PATZ1: variants seen among roughly 807,000 people sequenced by gnomAD.
The protein encoded by PATZ1 is POZ/BTB and AT hook containing zinc finger 1.
PATZ1 carries 9 observed loss-of-function variants against 46.2 expected under a neutral mutation model. That is an observed-to-expected ratio of 0.19 (90% CI 0.12 to 0.34). PATZ1 has a LOEUF of 0.34. PATZ1 is among the 10% of genes least tolerant of loss of function. PATZ1 has a pLI of 1.00. For missense variants in PATZ1, 632 were observed against 923.0 expected (o/e 0.68, Z 4.08); for synonymous variants, 426 against 378.6 (o/e 1.13, Z -1.45).
chr22:31,326,713 A>C lies in PATZ1; in HGVS notation c.*178T>G. ...TCTGCAGAATATCAGATGAAAATCT[A>C]TTTCTAAAGACCATTGGGAGAATGG... On this transcript the variant is annotated 3_prime_UTR_variant, in exon 5 of 5. Coordinates refer to ENST00000266269, the MANE Select transcript of PATZ1 (RefSeq NM_014323.3). 1.7e-6 allele frequency: 1 copy of C among 592,054 alleles called. No homozygotes were observed. The highest frequency in any genetic ancestry group is 3.0e-6 in the Non-Finnish European group (1 of 338,518). 36.7% of individuals were successfully genotyped at this position (592,054 alleles called of 1,614,324 possible).
intron 1 of PATZ1, chr22:31,343,196 T>C (rs907104602): frequency 7.6e-5 from 97 of 1,271,178 alleles, no homozygotes; most frequent in Admixed American, 1.9e-4. Flanking sequence ...GTCTCTGATT[T>C]TGCCTCCCCA....
intron 2 of PATZ1, chr22:31,338,002 CATT>C (rs1406139627): frequency 2.0e-5 from 3 of 152,216 alleles, no homozygotes; most frequent in Non-Finnish European, 2.9e-5. Flanking sequence ...TTTAAGTAAA[CATT>C]ATACATTTGA....
chr22:31,330,735 G>C lies in PATZ1; in HGVS notation c.1508-1811C>G, dbSNP rs536109933. On this transcript the variant is annotated intron_variant, in intron 3 of 4. Coordinates refer to ENST00000266269, the MANE Select transcript of PATZ1 (RefSeq NM_014323.3). ...TTAAAGTCTGATTTTTCACAAAAAA[G>C]TTTGTAACCTCCAGCATAAATGGGT... is the stretch of plus-strand genomic sequence containing the variant. Among the ~76,000 whole-genome samples, 3 of 152,354 alleles carry C rather than the reference G, an allele frequency of 2.0e-5. No individual in the cohort carries two copies. In the South Asian group the frequency reaches 6.2e-4, roughly 32 times the overall value.
intron 2 of PATZ1, chr22:31,341,638 G>A: frequency 1.2e-6 from 2 of 1,614,000 alleles, no homozygotes; most frequent in Non-Finnish European, 8.5e-7. Flanking sequence ...AGGTCGCTAG[G>A]AAGAGGTTCC....
At chr22:31,343,108 A>C (rs2049604075) in intron 1 of PATZ1, 148 bp from the exon 2 acceptor site, 2 of 1,439,454 alleles carry the variant, frequency 1.4e-6, no homozygotes, top group South Asian at 2.9e-5. Context: ...AGACAAAGTC[A>C]CCACCCAGTT....
At chr22:31,343,522 G>A (rs1347430339) in intron 1 of PATZ1, 1 of 798,304 alleles carries the variant, frequency 1.3e-6, no homozygotes, top group African/African-American at 1.9e-5. Context: ...ACTGGTTCCT[G>A]GTCGGGGCCC....
At chr22:31,342,293 AAAG>A (rs1292246764) in intron 2 of PATZ1, among the ~76,000 whole-genome samples, 5 of 152,230 alleles carry the variant, frequency 3.3e-5, no homozygotes, top group South Asian at 4.1e-4. Context: ...CAAAGAGCTA[AAAG>A]AAGAAGAGCC....
At chr22:31,341,434 T>C (rs764676221) in intron 2 of PATZ1, 1 of 1,580,972 alleles carries the variant, frequency 6.3e-7, no homozygotes, top group African/African-American at 1.3e-5. Context: ...GTAAAGGCCC[T>C]GCTGCCCTCT....
intron 3 of PATZ1, among the ~76,000 whole-genome samples, chr22:31,329,938 C>T (rs1317452287): frequency 6.6e-6 from 1 of 152,222 alleles, no homozygotes; most frequent in Non-Finnish European, 1.5e-5. Flanking sequence ...TAGTATAAGG[C>T]CCACTTAGGG....
chr22:31,342,815 CA>C, intron 2 of PATZ1, 81 bp downstream of exon 2: 1 of 1,495,642 alleles, frequency 6.7e-7, no homozygotes, highest in Non-Finnish European at 9.2e-7. Flanking sequence ...GCCCCCGGCA[CA>C]CGCAGCGGCT....
At chr22:31,334,238 ACT>A (rs1161065820) in intron 3 of PATZ1, among the ~76,000 whole-genome samples, 1 of 152,184 alleles carries the variant, frequency 6.6e-6, no homozygotes, top group East Asian at 1.9e-4. Context: ...CAGCCTGATA[ACT>A]CTCCCTGCAT....
At chr22:31,344,251 C>T in intron 1 of PATZ1, 81 bp downstream of exon 1, 2 of 1,319,070 alleles carry the variant, frequency 1.5e-6, no homozygotes, top group South Asian at 2.8e-5. Context: ...CCCACAAATC[C>T]CACACCCCCA....
chr22:31,345,423 G>A lies in PATZ1; in HGVS notation c.180C>T (p.Ala60=), dbSNP rs980819165. Residue 60 remains alanine, a synonymous_variant, in exon 1 of 5, where the codon GCC becomes GCT. Coordinates refer to ENST00000266269, the MANE Select transcript of PATZ1 (RefSeq NM_014323.3). The surrounding 1 kb of genome is among the most constrained non-coding windows in gnomAD (Gnocchi z 7.4). ...ESFPAHRAVL[A]ACSEYFESVF... ...CCGACTCAAAGTACTCGCTGCAGGCGGCCAGCACGGCGCGGTGCGCTGGGA... is the reference window on the plus strand; with the variant it reads ...CCGACTCAAAGTACTCGCTGCAGGCAGCCAGCACGGCGCGGTGCGCTGGGA... 8.7e-6 allele frequency: 14 copies of A among 1,612,414 alleles called. No homozygotes were observed. The highest frequency in any genetic ancestry group is 1.1e-5 in the Non-Finnish European group (13 of 1,179,508).
chr22:31,345,589 T>C lies in PATZ1; in HGVS notation c.14A>G (p.Asn5Ser). ...GCCAGACGGGCCGCACGAAGCGTCGTTCACCCGCTCCATGGCCGCCGCCCC... is the reference window on the plus strand; with the variant it reads ...GCCAGACGGGCCGCACGAAGCGTCGCTCACCCGCTCCATGGCCGCCGCCCC... MERV[N>S]DASCGPSGCY... The change falls in exon 1 of 5, where the codon AAC becomes AGC. Residue 5 changes from asparagine to serine, a missense_variant. This residue lies in a region of PATZ1 where 30 missense variants were observed against 27.7 expected (regional missense o/e 1.08). Coordinates refer to ENST00000266269, the MANE Select transcript of PATZ1 (RefSeq NM_014323.3). This position sits in a 1 kb window ranked among gnomAD's most constrained non-coding sequence, Gnocchi z 7.4. 6.3e-7 allele frequency: 1 copy of C among 1,592,068 alleles called. No individual in the cohort carries two copies. The highest frequency in any genetic ancestry group is 8.6e-7 in the Non-Finnish European group (1 of 1,164,118).
rs1271037881 is a variant in PATZ1, at chr22:31,345,023, C to G, written c.580G>C (p.Ala194Pro). ...ATGCCATTGCTGTTGGCTGCCAAGG[C>G]TGCCCCGTTGGTCATGTCCAAAGGG... is the stretch of plus-strand genomic sequence containing the variant. ...GFPLDMTNGA[A>P]LAANSNGIAG... The change falls in exon 1 of 5, where the codon GCC becomes CCC. Residue 194 changes from alanine (A) to proline (P), a missense_variant. Ala to Pro is a conservative substitution (Grantham distance 27). Coordinates refer to ENST00000266269, the MANE Select transcript of PATZ1 (RefSeq NM_014323.3). This position sits in a 1 kb window ranked among gnomAD's most constrained non-coding sequence, Gnocchi z 7.4. The G allele has an allele frequency of 9.3e-6, 15 of 1,614,132 alleles. No individual in the cohort carries two copies. In the South Asian group the frequency reaches 1.1e-4, roughly 12 times the overall value.
intron 3 of PATZ1, 90 bp downstream of exon 3, chr22:31,335,602 A>G: frequency 8.2e-7 from 1 of 1,223,208 alleles, no homozygotes; most frequent in East Asian, 2.4e-5. Flanking sequence ...CAAAGAGTGG[A>G]GTCTGAGGCA....
At chr22:31,340,025 T>C (rs1336393396) in intron 2 of PATZ1, among the ~76,000 whole-genome samples, 3 of 152,206 alleles carry the variant, frequency 2.0e-5, no homozygotes, top group African/African-American at 7.2e-5. Context: ...TCTCAACGCA[T>C]TCCTTCTCTA....
Position 31,344,694 on chromosome 22 carries a change from A to G in PATZ1, c.909T>C (p.Asp303=), listed in dbSNP as rs775784085. Residue 303 remains aspartate (D), a synonymous_variant, in exon 1 of 5, where the codon GAT becomes GAC. Coordinates refer to ENST00000266269, the MANE Select transcript of PATZ1 (RefSeq NM_014323.3). ...CCTCGTGCTGCCGGAGCCGGTTGGC[A>G]TCAGTGAACACCTTACCACATAGAC... The part of the protein sequence containing the change: ...PCGLCGKVFT[D]ANRLRQHEAQ... 1.2e-6 allele frequency: 2 copies of G among 1,613,788 alleles called. No homozygotes were observed. Among genetic ancestry groups the G allele is most frequent in the Non-Finnish European group, 1.7e-6 (2 of 1,179,948 alleles).
At position 31,345,444 on chromosome 22, in the gene PATZ1, T is replaced by C. The variant is rs939352428; in HGVS notation, c.159A>G (p.Pro53=). Reference sequence around the variant, plus strand: ...AGGCGGCCAGCACGGCGCGGTGCGCTGGGAAGCTCTCGTCGCCTACCCGCA... The same window carrying C: ...AGGCGGCCAGCACGGCGCGGTGCGCCGGGAAGCTCTCGTCGCCTACCCGCA... ...VLLRVGDESF[P]AHRAVLAACS... The change falls in exon 1 of 5, where the codon CCA becomes CCG. Residue 53 remains proline, a synonymous_variant. Coordinates refer to ENST00000266269, the MANE Select transcript of PATZ1 (RefSeq NM_014323.3). This position sits in a 1 kb window ranked among gnomAD's most constrained non-coding sequence, Gnocchi z 7.4. The C allele has an allele frequency of 6.2e-7, 1 of 1,611,764 alleles. No homozygotes were observed. Among genetic ancestry groups the C allele is most frequent in the South Asian group, 1.1e-5 (1 of 90,978 alleles).
Sources: gnomAD v4.1 joint callset for allele counts (sites outside exome capture counted in the v4.1 genomes callset) on GRCh38, gnomAD v4.1.1 for gene constraint, gnomAD v4.1.1 regional missense constraint, Gnocchi (gnomAD v3.1) non-coding constraint, MANE v1.5 for transcripts, NCBI Gene and HGNC (gene_info 2026-07-23, HGNC 2026-07-21) for gene names.